Variants in NCKAP5 observed in about 807,000 individuals in gnomAD.
NCKAP5 encodes the protein nck-associated protein 5.
A neutral mutation model predicts 167.0 loss-of-function variants in NCKAP5; 92 were observed. The observed-to-expected ratio is 0.55, with a 90% CI of 0.47 to 0.66. NCKAP5 has a LOEUF of 0.66. Ranked by LOEUF, NCKAP5 falls within the 30% of genes least tolerant of loss-of-function variation. NCKAP5 has a pLI of 0.00. For missense variants in NCKAP5, 2,378 were observed against 2,315.0 expected (o/e 1.03, Z -0.56); for synonymous variants, 891 against 877.4 (o/e 1.02, Z -0.27).
chr2:133,485,479 T>C (rs1193748543), intron 3 of NCKAP5, among the ~76,000 whole-genome samples: 1 of 152,170 alleles, frequency 6.6e-6, no homozygotes, highest in Non-Finnish European at 1.5e-5. Flanking sequence ...ACTATATATC[T>C]TCCAAGAAAA....
chr2:132,874,431 G>A (rs757827990), intron 9 of NCKAP5, among the ~76,000 whole-genome samples: 14 of 152,146 alleles, frequency 9.2e-5, no homozygotes, highest in Non-Finnish European at 1.8e-4. Context: ...TAAAGATGAC[G>A]TAGGGCCCAG....
At chr2:132,712,680 T>G (rs1261716631) in intron 19 of NCKAP5, among the ~76,000 whole-genome samples, 2 of 151,996 alleles carry the variant, frequency 1.3e-5, no homozygotes, top group Non-Finnish European at 2.9e-5. Flanking sequence ...AAAAGAACTA[T>G]GTTGGGATTC....
chr2:133,663,018 G>A, the NCKAP5 span, among the ~76,000 whole-genome samples: 32 of 152,262 alleles, frequency 2.1e-4, no homozygotes, highest in Non-Finnish European at 4.3e-4. Flanking sequence ...TGTAATCCCA[G>A]CACTTTGGGA....
intron 5 of NCKAP5, among the ~76,000 whole-genome samples, chr2:133,196,961 G>A (rs1221268655): frequency 2.6e-5 from 4 of 152,192 alleles, no homozygotes; most frequent in Non-Finnish European, 4.4e-5. Flanking sequence ...TCCCAGAGGA[G>A]CTTCAATCAG....
chr2:132,779,108 T>A (rs552603320), intron 15 of NCKAP5, among the ~76,000 whole-genome samples: 1 of 152,334 alleles, frequency 6.6e-6, no homozygotes, highest in African/African-American at 2.4e-5. Context: ...TGTGGGGTCG[T>A]TAGGGAATCT....
chr2:133,229,840 C>T (rs2087062113), intron 4 of NCKAP5, among the ~76,000 whole-genome samples: 1 of 152,116 alleles, frequency 6.6e-6, no homozygotes, highest in African/African-American at 2.4e-5. Flanking sequence ...ATGGGAACCT[C>T]TCAAAATCCA....
intron 4 of NCKAP5, among the ~76,000 whole-genome samples, chr2:133,230,198 C>T (rs1364718905): frequency 3.9e-5 from 6 of 152,072 alleles, no homozygotes; most frequent in Non-Finnish European, 8.8e-5. Flanking sequence ...GTGCATATAC[C>T]TTGGAGCAGA....
intron 6 of NCKAP5, among the ~76,000 whole-genome samples, chr2:133,107,220 T>A (rs1218585773): frequency 6.6e-6 from 1 of 152,138 alleles, no homozygotes; most frequent in African/African-American, 2.4e-5. Context: ...GCCCACTACC[T>A]CCTTGTCATC....
intron 8 of NCKAP5, among the ~76,000 whole-genome samples, chr2:132,904,574 G>A (rs1693871940): frequency 6.6e-6 from 1 of 152,080 alleles, no homozygotes; most frequent in African/African-American, 2.4e-5. Flanking sequence ...GGGACTTCTA[G>A]TACATAGGAT....
chr2:133,344,516 C>T (rs927148995), intron 3 of NCKAP5, among the ~76,000 whole-genome samples: 1 of 151,938 alleles, frequency 6.6e-6, no homozygotes. Flanking sequence ...CACTGCACTG[C>T]AGCAAAGGTA....
chr2:132,764,735 A>G (rs79886146), intron 16 of NCKAP5, among the ~76,000 whole-genome samples: 3 of 152,348 alleles, frequency 2.0e-5, no homozygotes, highest in African/African-American at 7.2e-5. Context: ...TGTTTTGATT[A>G]TCAATAGCTC....
At chr2:132,998,323 A>T (rs887528344) in intron 6 of NCKAP5, among the ~76,000 whole-genome samples, 1 of 152,224 alleles carries the variant, frequency 6.6e-6, no homozygotes, top group Non-Finnish European at 1.5e-5. Flanking sequence ...ATACTTAAAA[A>T]ATAGGAAAAA....
chr2:132,910,844 TGGCC>T (rs1216030964), intron 8 of NCKAP5, among the ~76,000 whole-genome samples: 2 of 152,228 alleles, frequency 1.3e-5, no homozygotes, highest in Non-Finnish European at 2.9e-5. Flanking sequence ...TACCAAACAA[TGGCC>T]AAAGAAGACT....
chr2:132,782,562 T>G lies in NCKAP5; in HGVS notation c.4249A>C (p.Thr1417Pro), dbSNP rs906231370. 1.9e-6 allele frequency: 3 copies of G among 1,584,570 alleles called. No homozygotes were observed. The highest frequency in any genetic ancestry group is 2.6e-6 in the Non-Finnish European group (3 of 1,165,442). The change falls in exon 14 of 20, where the codon ACC (threonine) becomes CCC (proline). Residue 1417 changes from threonine to proline, a missense_variant. This residue lies in a region of NCKAP5 where 1,325 missense variants were observed against 1,274.5 expected (regional missense o/e 1.04). Coordinates refer to ENST00000409261, the MANE Select transcript of NCKAP5 (RefSeq NM_207363.3). ...PGSDRRSCPP[T>P]PTDCPEALQS... Reference sequence around the variant, plus strand: ...AGGGCTTCAGGGCAGTCTGTTGGGGTGGGTGGGCAACTGCGGCGGTCACTG... The same window carrying G: ...AGGGCTTCAGGGCAGTCTGTTGGGGGGGGTGGGCAACTGCGGCGGTCACTG...
chr2:133,559,811 T>C (rs1279634781), intron 1 of NCKAP5, among the ~76,000 whole-genome samples: 1 of 152,168 alleles, frequency 6.6e-6, no homozygotes, highest in Non-Finnish European at 1.5e-5. Context: ...AAAGATCAAA[T>C]CCTGGTCTAA....
intron 3 of NCKAP5, among the ~76,000 whole-genome samples, chr2:133,379,772 G>A (rs542983655): frequency 3.7e-4 from 56 of 152,120 alleles, no homozygotes; most frequent in Non-Finnish European, 6.5e-4. Context: ...TAATGTCAGC[G>A]CACTTCAAAG....
chr2:132,701,567 G>A (rs1687889706), intron 19 of NCKAP5, among the ~76,000 whole-genome samples: 2 of 151,924 alleles, frequency 1.3e-5, no homozygotes, highest in Admixed American at 6.6e-5. Flanking sequence ...TTTTCCTCTT[G>A]TTAAGTGATA....
chr2:133,082,843 T>C (rs2080857612), intron 6 of NCKAP5, among the ~76,000 whole-genome samples: 1 of 152,200 alleles, frequency 6.6e-6, no homozygotes, highest in Non-Finnish European at 1.5e-5. Context: ...AAATAGTTGG[T>C]GCTTCGGGAG....
the NCKAP5 span, among the ~76,000 whole-genome samples, chr2:133,646,970 T>A: frequency 2.0e-5 from 3 of 151,244 alleles, no homozygotes; most frequent in African/African-American, 7.3e-5. Flanking sequence ...AAAATACCTA[T>A]GGAAGTTATA....
Sources: allele counts gnomAD v4.1 joint callset (sites outside exome capture counted in the v4.1 genomes callset), GRCh38; gene constraint gnomAD v4.1.1; regional missense constraint gnomAD v4.1.1; transcripts MANE v1.5; gene names NCBI Gene and HGNC (gene_info 2026-07-23, HGNC 2026-07-21).